The following DLGAP4 variants were observed in gnomAD, a reference collection of about 807,000 sequenced individuals.
DLGAP4 encodes the protein DLG associated protein 4, also known as disks large-associated protein 4.
A neutral mutation model predicts 86.9 loss-of-function variants in DLGAP4; 18 were observed. That is an observed-to-expected ratio of 0.21 (90% confidence interval 0.14 to 0.31). The LOEUF (loss-of-function observed/expected upper bound fraction) is 0.31. Ranked by LOEUF, DLGAP4 falls within the 10% of genes least tolerant of loss-of-function variation. DLGAP4 has a pLI of 1.00. For synonymous variants in DLGAP4, 548 were observed against 574.3 expected (o/e 0.95, Z 0.65); for missense variants, 1,085 against 1,362.6 (o/e 0.80, Z 3.21).
rs2037893365 is a variant in DLGAP4 at position 36,528,277 on chromosome 20, G to C, written c.*1246G>C. 1 of 152,590 alleles carries C rather than the reference G, an allele frequency of 6.6e-6. No homozygotes were observed. The highest frequency in any genetic ancestry group is 2.4e-5 in the African/African-American group (1 of 41,358). The allele number at this position is 152,590 out of a possible 1,614,324, so 9.5% of individuals were successfully genotyped here. A position where few individuals can be genotyped will look rare whatever the true frequency, so the allele number is the denominator to read the frequency against. ...CTCCTGCCCCCGCATCCCACTCCCA[G>C]GGTGTCACGAGCCCTGAGCTGCAAT... On this transcript the variant is annotated 3_prime_UTR_variant, in exon 13 of 13. Transcript: ENST00000339266.
chr20:36,487,036 A>G (rs2035448482), intron 7 of DLGAP4, among the ~76,000 whole-genome samples: 1 of 152,194 alleles, frequency 6.6e-6, no homozygotes, highest in South Asian at 2.1e-4. Context: ...ACAGGGACGC[A>G]AAAGACCAGG....
intron 7 of DLGAP4, among the ~76,000 whole-genome samples, chr20:36,476,318 CTTTTTTTTTTT>C (rs1028980966): frequency 8.4e-6 from 1 of 119,598 alleles, no homozygotes; most frequent in Non-Finnish European, 1.8e-5. Context: ...TGGCAACCAC[CTTTTTTTTTTT>C]TTTTTTTTTT....
intron 7 of DLGAP4, among the ~76,000 whole-genome samples, chr20:36,478,358 G>A (rs186039411): frequency 3.3e-5 from 5 of 152,160 alleles, no homozygotes; most frequent in Admixed American, 3.3e-4. Flanking sequence ...TTTACAGATG[G>A]GTGGCAGTCC....
At chr20:36,322,501 G>A (rs187935436) in intron 1 of DLGAP4, among the ~76,000 whole-genome samples, 123 of 152,334 alleles carry the variant, frequency 8.1e-4, no homozygotes, top group Non-Finnish European at 1.6e-3. Context: ...CCCCTCATCT[G>A]TAAAGTAGGG....
chr20:36,319,555 G>A (rs1217241681), intron 1 of DLGAP4, among the ~76,000 whole-genome samples: 1 of 152,190 alleles, frequency 6.6e-6, no homozygotes, highest in East Asian at 1.9e-4. Flanking sequence ...TGGGAAAGTG[G>A]GCCAAGGGTG....
At chr20:36,481,517 T>C (rs2035186997) in intron 7 of DLGAP4, among the ~76,000 whole-genome samples, 1 of 152,234 alleles carries the variant, frequency 6.6e-6, no homozygotes, top group Admixed American at 6.5e-5. Flanking sequence ...TAATCACTTG[T>C]TGAATCAGTC....
chr20:36,360,597 G>A (rs967160616), intron 1 of DLGAP4, among the ~76,000 whole-genome samples: 1 of 152,092 alleles, frequency 6.6e-6, no homozygotes, highest in East Asian at 1.9e-4. Context: ...CGAATTGTGG[G>A]TGGCGGCTTG....
intron 2 of DLGAP4, among the ~76,000 whole-genome samples, chr20:36,424,066 G>A (rs535470044): frequency 6.6e-6 from 1 of 152,212 alleles, no homozygotes; most frequent in Admixed American, 6.5e-5. Context: ...AGGGGAAGAA[G>A]TAGAATCCAG....
intron 1 of DLGAP4, among the ~76,000 whole-genome samples, chr20:36,323,856 C>T (rs1371894290): frequency 2.0e-5 from 3 of 152,218 alleles, no homozygotes; most frequent in Non-Finnish European, 4.4e-5. Flanking sequence ...CTAATGCCAC[C>T]GCTGATCTGA....
chr20:36,390,878 C>G (rs1600472409), intron 2 of DLGAP4, among the ~76,000 whole-genome samples: 1 of 152,126 alleles, frequency 6.6e-6, no homozygotes, highest in East Asian at 1.9e-4. Context: ...TGGTCCCAGA[C>G]TGAGCCCTGA....
chr20:36,475,434 C>T (rs1380088936), intron 7 of DLGAP4, among the ~76,000 whole-genome samples: 1 of 152,050 alleles, frequency 6.6e-6, no homozygotes, highest in African/African-American at 2.4e-5. Flanking sequence ...TGGTCTCGAA[C>T]TCCTGACCTT....
intron 7 of DLGAP4, among the ~76,000 whole-genome samples, chr20:36,450,102 A>G (rs1839868861): frequency 6.6e-6 from 1 of 152,244 alleles, no homozygotes; most frequent in South Asian, 2.1e-4. Flanking sequence ...AACACAAGTC[A>G]TATGACTGAG....
chr20:36,520,973 C>A (rs1334777418), intron 10 of DLGAP4, among the ~76,000 whole-genome samples: 1 of 152,210 alleles, frequency 6.6e-6, no homozygotes, highest in Admixed American at 6.5e-5. Context: ...GCTGGGATTA[C>A]AGGTGTCCAC....
chr20:36,380,967 G>T (rs553095506), intron 2 of DLGAP4, among the ~76,000 whole-genome samples: 4 of 152,332 alleles, frequency 2.6e-5, no homozygotes, highest in Admixed American at 6.5e-5. Flanking sequence ...AAGGGAAGCT[G>T]ATGAAGTGAA....
intron 2 of DLGAP4, among the ~76,000 whole-genome samples, chr20:36,374,537 G>C (rs1331773240): frequency 3.9e-5 from 6 of 152,214 alleles, no homozygotes; most frequent in African/African-American, 1.2e-4. Flanking sequence ...AAGGCAGTGG[G>C]GAGCCTTTGG....
At chr20:36,377,231 G>A (rs1035147437) in intron 2 of DLGAP4, among the ~76,000 whole-genome samples, 2 of 152,160 alleles carry the variant, frequency 1.3e-5, no homozygotes, top group Non-Finnish European at 1.5e-5. Flanking sequence ...GATAGGTAGC[G>A]ATCTCCTCAT....
At chr20:36,352,707 G>C (rs2030199095) in intron 1 of DLGAP4, among the ~76,000 whole-genome samples, 1 of 152,148 alleles carries the variant, frequency 6.6e-6, no homozygotes, top group South Asian at 2.1e-4. Flanking sequence ...GACAGGCCCA[G>C]CAGGCAGTGC....
In DLGAP4 at chr20:36,366,695, C is replaced by T. The variant is rs534919239; in HGVS notation, c.-303-350C>T. Reference sequence around the variant, plus strand: ...ACTCAGGACTGCATGACTCCTACCCCTTTCCCAACTTCTCCCATCCGGGGA... The same window carrying T: ...ACTCAGGACTGCATGACTCCTACCCTTTTCCCAACTTCTCCCATCCGGGGA... On this transcript the variant is annotated intron_variant, in intron 1 of 12. Transcript: ENST00000339266. Among the ~76,000 whole-genome samples the T allele has an allele frequency of 5.8e-4, 88 of 152,318 alleles. 1 individual carries two copies. The highest frequency in any genetic ancestry group is 2.4e-4 in the Non-Finnish European group (16 of 68,028).
intron 1 of DLGAP4, among the ~76,000 whole-genome samples, chr20:36,356,869 A>G (rs2030347360): frequency 6.6e-6 from 1 of 152,108 alleles, no homozygotes; most frequent in Admixed American, 6.6e-5. Context: ...TCTGGGAATC[A>G]TCCCTGAATC....
Sources: allele counts gnomAD v4.1 joint callset (sites outside exome capture counted in the v4.1 genomes callset), GRCh38; gene constraint gnomAD v4.1.1; transcripts MANE v1.5; gene names NCBI Gene and HGNC (gene_info 2026-07-23, HGNC 2026-07-21).